NEK10: variants seen among roughly 807,000 people sequenced by gnomAD.
NEK10 encodes NIMA related kinase 10.
In NEK10, 122 loss-of-function variants were observed where a neutral mutation model predicts 159.8. The observed-to-expected ratio is 0.76, with a 90% confidence interval of 0.66 to 0.89. The LOEUF is 0.89. Ranked by LOEUF, NEK10 falls within the 40% of genes least tolerant of loss-of-function variation. The pLI, the probability that NEK10 is intolerant of heterozygous loss-of-function variation, is 0.00. For missense variants in NEK10, 1,342 were observed against 1,323.1 expected, an observed-to-expected ratio of 1.01 and a Z score of -0.22; for synonymous variants, 466 against 457.1, an observed-to-expected ratio of 1.02 and a Z score of -0.25.
intron 12 of NEK10, among the ~76,000 whole-genome samples, chr3:27,303,797 A>T (rs1171808323): frequency 6.6e-6 from 1 of 152,204 alleles, no homozygotes; most frequent in Non-Finnish European, 1.5e-5. Flanking sequence ...TCATAACAAC[A>T]TTGATTTGAT....
At chr3:27,159,562 CAT>C (rs1199935295) in intron 30 of NEK10, among the ~76,000 whole-genome samples, 2 of 151,906 alleles carry the variant, frequency 1.3e-5, no homozygotes, top group African/African-American at 4.8e-5. Context: ...TTCAGTTATT[CAT>C]ATTAATTACT....
chr3:27,297,376 T>C (rs548741932), intron 13 of NEK10, 136 bp from the exon 14 acceptor site: 4 of 602,720 alleles, frequency 6.6e-6, no homozygotes, highest in Non-Finnish European at 1.2e-5. Flanking sequence ...GAAACACTAA[T>C]TTTCCTTTTG....
In NEK10 at chr3:27,301,767, A is replaced by C; in HGVS notation, c.1097T>G (p.Ile366Ser). 1.9e-6 allele frequency: 3 copies of C among 1,564,826 alleles called. No individual in the cohort carries two copies. The highest frequency in any genetic ancestry group is 2.6e-6 in the Non-Finnish European group (3 of 1,152,460). Reference sequence around the variant, plus strand: ...GTCTTCTGATAAATGAAGCTGCTGGATTCGGCCTGCAGCATTTGCACTGGA... The same window carrying C: ...GTCTTCTGATAAATGAAGCTGCTGGCTTCGGCCTGCAGCATTTGCACTGGA... ...SLSSANAAGR[I>S]QQLHLSEDLS... is the part of the protein sequence containing the mutation. Residue 366 changes from isoleucine (I) to serine (S), a missense_variant, in exon 13 of 36, where the codon ATC (isoleucine) becomes AGC (serine). Coordinates refer to ENST00000691995, the MANE Select transcript of NEK10 (RefSeq NM_001394966.1).
chr3:27,362,864 T>C (rs1357191050), intron 1 of NEK10, among the ~76,000 whole-genome samples: 1 of 151,998 alleles, frequency 6.6e-6, no homozygotes, highest in Non-Finnish European at 1.5e-5. Flanking sequence ...CCATTATCAC[T>C]TCCTAAATGA....
In NEK10 at chr3:27,369,235, G is replaced by A. The variant is rs1353626107; in HGVS notation, c.-48C>T. ...CTCCCGCCTACTCACCGCGCGGGAG[G>A]GACGGTCCCTCCTTCAGGCCAATCT... On this transcript the variant is annotated 5_prime_UTR_variant, in exon 1 of 36. Transcript: ENST00000691995. This position sits in a 1 kb window ranked among gnomAD's most constrained non-coding sequence, Gnocchi z 4.2. 1 of 152,138 alleles carries A rather than the reference G, an allele frequency of 6.6e-6. No individual in the cohort carries two copies. Among genetic ancestry groups the A allele is most frequent in the Non-Finnish European group, 1.5e-5 (1 of 68,118 alleles). The allele number at this position is 152,138 out of a possible 1,614,324, so 9.4% of individuals were successfully genotyped here.
chr3:27,346,347 A>T, intron 3 of NEK10, 131 bp from the exon 4 acceptor site: 1 of 896,944 alleles, frequency 1.1e-6, no homozygotes, highest in Non-Finnish European at 1.7e-6. Context: ...AACCCTTTCA[A>T]ATGTAAGGGT....
intron 33 of NEK10, among the ~76,000 whole-genome samples, chr3:27,117,336 T>G (rs1012583466): frequency 2.0e-5 from 3 of 152,240 alleles, no homozygotes; most frequent in Non-Finnish European, 2.9e-5. Flanking sequence ...TCTTTGGGTA[T>G]ATACCCAGTA....
chr3:27,138,799 G>T (rs1255963965), intron 31 of NEK10, among the ~76,000 whole-genome samples: 3 of 152,228 alleles, frequency 2.0e-5, no homozygotes, highest in African/African-American at 7.2e-5. Context: ...ATGGCATGCA[G>T]TTGCATCACA....
At chr3:27,331,258 A>C (rs1393775357) in intron 5 of NEK10, among the ~76,000 whole-genome samples, 5 of 146,892 alleles carry the variant, frequency 3.4e-5, no homozygotes, top group Non-Finnish European at 7.5e-5. Flanking sequence ...AAACAAAAAA[A>C]AAAAACACAC....
intron 5 of NEK10, among the ~76,000 whole-genome samples, chr3:27,341,922 T>A (rs556467892): frequency 6.6e-6 from 1 of 152,292 alleles, no homozygotes; most frequent in South Asian, 2.1e-4. Flanking sequence ...GCTGAATGTC[T>A]TATCTACAAC....
At chr3:27,259,024 G>T (rs1444503346) in intron 22 of NEK10, among the ~76,000 whole-genome samples, 1 of 152,072 alleles carries the variant, frequency 6.6e-6, no homozygotes, top group African/African-American at 2.4e-5. Flanking sequence ...CTTCTTTTGA[G>T]AAGTGTCTGT....
intron 22 of NEK10, among the ~76,000 whole-genome samples, chr3:27,279,421 C>T (rs2041993217): frequency 6.6e-6 from 1 of 152,158 alleles, no homozygotes; most frequent in Non-Finnish European, 1.5e-5. Flanking sequence ...CTCACAGGCT[C>T]TACTAATTGC....
intron 31 of NEK10, among the ~76,000 whole-genome samples, chr3:27,132,364 T>C (rs1942723345): frequency 6.6e-6 from 1 of 152,206 alleles, no homozygotes; most frequent in Non-Finnish European, 1.5e-5. Context: ...CCTAGAACTA[T>C]GCCAAACACT....
At chr3:27,337,357 TC>T (rs2046877918) in intron 5 of NEK10, among the ~76,000 whole-genome samples, 3 of 151,902 alleles carry the variant, frequency 2.0e-5, no homozygotes. Context: ...TGCTCGTGGA[TC>T]AGAATATCAT....
intron 25 of NEK10, among the ~76,000 whole-genome samples, chr3:27,198,331 C>CAAAAAAAA (rs59823084): frequency 9.8e-6 from 1 of 102,052 alleles, no homozygotes. Flanking sequence ...CAATCCTAAG[C>CAAAAAAAA]AAAAAAAAAA....
rs577061358 is a variant in NEK10 at position 27,285,530 on chromosome 3, A to C, written c.1790-569T>G. Among the ~76,000 whole-genome samples, 14 of 148,704 alleles carry C rather than the reference A, an allele frequency of 9.4e-5. No individual in the cohort carries two copies. The South Asian group carries it at 1.7e-3, about 18-fold the overall frequency. ...ATGTCTTTCAAAAGCAAAAAAAAAAAAACAAACAAACAAACAAAAAAAAAC... is the reference window on the plus strand; with the variant it reads ...ATGTCTTTCAAAAGCAAAAAAAAAACAACAAACAAACAAACAAAAAAAAAC... On this transcript the variant is annotated intron_variant, in intron 20 of 35. Transcript: ENST00000691995.
At chr3:27,294,740 GTTTC>G (rs1434907153) in intron 15 of NEK10, among the ~76,000 whole-genome samples, 3 of 151,980 alleles carry the variant, frequency 2.0e-5, no homozygotes, top group Middle Eastern at 3.2e-3. Flanking sequence ...GACAAAGGTT[GTTTC>G]TTTCTTCCTT....
intron 4 of NEK10, 109 bp downstream of exon 4, chr3:27,345,977 G>T: frequency 2.7e-6 from 2 of 749,914 alleles, no homozygotes; most frequent in Non-Finnish European, 4.1e-6. Flanking sequence ...AATCGCTATG[G>T]TAAATTTTGA....
intron 22 of NEK10, among the ~76,000 whole-genome samples, chr3:27,276,463 G>T (rs73161131): frequency 0.02 from 3,073 of 152,240 alleles, 109 homozygotes; most frequent in African/African-American, 0.071. Flanking sequence ...TCCTGTTCAG[G>T]AAAGTGCAAT....
Sources: gnomAD v4.1 joint callset for allele counts (sites outside exome capture counted in the v4.1 genomes callset) on GRCh38, gnomAD v4.1.1 for gene constraint, Gnocchi (gnomAD v3.1) non-coding constraint, MANE v1.5 for transcripts, NCBI Gene and HGNC (gene_info 2026-07-23, HGNC 2026-07-21) for gene names.